LRRC4C: variants seen among roughly 807,000 people sequenced by gnomAD.
LRRC4C encodes leucine-rich repeat-containing protein 4C.
A neutral mutation model predicts 33.6 loss-of-function variants in LRRC4C; 5 were observed. That is an observed-to-expected ratio of 0.15 (90% CI 0.08 to 0.31). LRRC4C has a LOEUF of 0.31. LRRC4C is among the 10% of genes least tolerant of loss of function. LRRC4C has a pLI of 1.00. For missense variants in LRRC4C, 560 were observed against 796.7 expected, an observed-to-expected ratio of 0.70 and a Z score of 3.58; for synonymous variants, 329 against 302.0, an observed-to-expected ratio of 1.09 and a Z score of -0.93.
intron 2 of LRRC4C, among the ~76,000 whole-genome samples, chr11:40,720,731 T>A (rs1238913245): frequency 6.6e-6 from 1 of 152,204 alleles, no homozygotes; most frequent in Non-Finnish European, 1.5e-5. Context: ...TCTTTCTATT[T>A]TTCCCCCCAA....
At chr11:41,189,417 T>C (rs977334525) in intron 1 of LRRC4C, among the ~76,000 whole-genome samples, 26 of 152,054 alleles carry the variant, frequency 1.7e-4, no homozygotes, top group Non-Finnish European at 3.8e-4. Context: ...GCAATGTGAC[T>C]GGAAAATAGA....
At chr11:40,943,308 T>C (rs1958242742) in intron 1 of LRRC4C, among the ~76,000 whole-genome samples, 1 of 152,130 alleles carries the variant, frequency 6.6e-6, no homozygotes, top group South Asian at 2.1e-4. Flanking sequence ...AAGTGATGCT[T>C]AAGTAACTGG....
intron 3 of LRRC4C, among the ~76,000 whole-genome samples, chr11:40,337,798 C>T (rs1295208079): frequency 6.6e-6 from 1 of 152,036 alleles, no homozygotes; most frequent in Non-Finnish European, 1.5e-5. Flanking sequence ...AGCCTAGTGC[C>T]CATTGATTAT....
chr11:40,955,164 A>G (rs1041881596), intron 1 of LRRC4C, among the ~76,000 whole-genome samples: 1 of 151,856 alleles, frequency 6.6e-6, no homozygotes, highest in African/African-American at 2.4e-5. Flanking sequence ...TTAAACACTA[A>G]TTGAAGTTGT....
At chr11:40,591,357 C>T (rs1006391203) in intron 3 of LRRC4C, among the ~76,000 whole-genome samples, 1 of 152,276 alleles carries the variant, frequency 6.6e-6, no homozygotes, top group African/African-American at 2.4e-5. Flanking sequence ...TGCACGGACC[C>T]ACTGACCTGC....
chr11:40,524,966 C>G (rs546905029), intron 3 of LRRC4C, among the ~76,000 whole-genome samples: 1 of 152,252 alleles, frequency 6.6e-6, no homozygotes, highest in South Asian at 2.1e-4. Flanking sequence ...TCAAGGAAGG[C>G]ATCCCTCAGG....
At chr11:40,174,328 G>T (rs1482408450) in intron 5 of LRRC4C, among the ~76,000 whole-genome samples, 1 of 152,120 alleles carries the variant, frequency 6.6e-6, no homozygotes, top group Non-Finnish European at 1.5e-5. Context: ...CACTGAACTA[G>T]TCTTCACTGA....
intron 2 of LRRC4C, among the ~76,000 whole-genome samples, chr11:40,680,563 G>C (rs542251527): frequency 1.1e-4 from 16 of 152,282 alleles, no homozygotes; most frequent in African/African-American, 3.8e-4. Flanking sequence ...GATACTGAAA[G>C]GGTCTCAAGA....
At chr11:40,537,698 G>A (rs1188056573) in intron 3 of LRRC4C, among the ~76,000 whole-genome samples, 7 of 151,982 alleles carry the variant, frequency 4.6e-5, no homozygotes, top group African/African-American at 1.2e-4. Context: ...GATCCTCTCA[G>A]CTCCTAAAGA....
intron 5 of LRRC4C, among the ~76,000 whole-genome samples, chr11:40,179,459 C>A (rs923801150): frequency 6.6e-6 from 1 of 152,208 alleles, no homozygotes; most frequent in Non-Finnish European, 1.5e-5. Context: ...CCGGAGGCCA[C>A]AGCGACCATT....
intron 1 of LRRC4C, among the ~76,000 whole-genome samples, chr11:41,244,409 A>C (rs1233026371): frequency 6.6e-6 from 1 of 152,290 alleles, no homozygotes; most frequent in Non-Finnish European, 1.5e-5. Flanking sequence ...CAGCTTTCTA[A>C]AAATTTAGCA....
intron 1 of LRRC4C, among the ~76,000 whole-genome samples, chr11:41,046,732 G>C (rs915943192): frequency 2.6e-5 from 4 of 152,228 alleles, no homozygotes; most frequent in African/African-American, 9.6e-5. Flanking sequence ...TCACTGTTGA[G>C]GGATCAGTAG....
At chr11:40,417,977 T>A (rs1351593236) in intron 3 of LRRC4C, among the ~76,000 whole-genome samples, 1 of 152,232 alleles carries the variant, frequency 6.6e-6, no homozygotes, top group African/African-American at 2.4e-5. Context: ...TAAATTCTGA[T>A]GTCTGAATCA....
intron 2 of LRRC4C, among the ~76,000 whole-genome samples, chr11:40,698,301 C>T (rs552577009): frequency 6.6e-6 from 1 of 152,204 alleles, no homozygotes; most frequent in South Asian, 2.1e-4. Flanking sequence ...AATGTTATCT[C>T]ATTAATAGAA....
intron 1 of LRRC4C, among the ~76,000 whole-genome samples, chr11:41,118,027 A>C (rs995887891): frequency 6.6e-6 from 1 of 152,196 alleles, no homozygotes; most frequent in Non-Finnish European, 1.5e-5. Context: ...TAATAATTCT[A>C]AAAATTACTA....
chr11:41,140,790 T>G (rs951726115), intron 1 of LRRC4C, among the ~76,000 whole-genome samples: 1 of 129,016 alleles, frequency 7.8e-6, no homozygotes, highest in Non-Finnish European at 1.8e-5. Flanking sequence ...AGTTTAATAA[T>G]TACTTTCATA....
At chr11:40,736,423 T>C (rs1947870405) in intron 2 of LRRC4C, among the ~76,000 whole-genome samples, 1 of 152,134 alleles carries the variant, frequency 6.6e-6, no homozygotes, top group Non-Finnish European at 1.5e-5. Context: ...TTAATGGGCA[T>C]TTTGGTTGGT....
At chr11:40,874,945 A>G (rs1374354043) in intron 2 of LRRC4C, among the ~76,000 whole-genome samples, 2 of 152,254 alleles carry the variant, frequency 1.3e-5, no homozygotes, top group Non-Finnish European at 2.9e-5. Flanking sequence ...TAATTTATTT[A>G]TTAAATAGAT....
intron 2 of LRRC4C, among the ~76,000 whole-genome samples, chr11:40,891,037 G>T (rs1413170666): frequency 6.6e-6 from 1 of 152,044 alleles, no homozygotes; most frequent in Non-Finnish European, 1.5e-5. Flanking sequence ...GAGGTCAGCA[G>T]TTCAAAACCA....
Sources: allele counts gnomAD v4.1 joint callset (sites outside exome capture counted in the v4.1 genomes callset), GRCh38; gene constraint gnomAD v4.1.1; transcripts MANE v1.5; gene names NCBI Gene and HGNC (gene_info 2026-07-23, HGNC 2026-07-21).